TTC4: variants seen among roughly 807,000 people sequenced by gnomAD.
TTC4 encodes the protein tetratricopeptide repeat domain 4.
TTC4 carries 36 observed loss-of-function variants against 51.9 expected under a neutral mutation model. The ratio of observed to expected loss-of-function variants is 0.69; its 90% CI spans 0.53 to 0.92. The LOEUF is 0.92. Among genes scored for constraint, TTC4 ranks in the 40% least tolerant of loss-of-function variants. TTC4 has a pLI of 0.00. For missense variants in TTC4, 399 were observed against 454.6 expected (o/e 0.88, Z 1.11); for synonymous variants, 144 against 164.2 (o/e 0.88, Z 0.94).
At chr1:54,730,907 T>C (rs1430781203) in intron 6 of TTC4, among the ~76,000 whole-genome samples, 2 of 152,186 alleles carry the variant, frequency 1.3e-5, no homozygotes, top group African/African-American at 4.8e-5. Context: ...TTCAAAGTCA[T>C]TGTTCAAGGC....
Position 54,731,487 on chromosome 1 carries a change from C to T in TTC4, c.683C>T (p.Ala228Val), listed in dbSNP as rs568822325. The change falls in exon 7 of 10, where the codon GCT becomes GTT. Residue 228 changes from alanine (A) to valine (V), a missense_variant and splice_region_variant. Transcript: ENST00000371281. ...QNEALLQAIK[A>V]RNIRLSEAAC... The stretch of plus-strand genomic sequence containing the variant: ...TGTGTGTTTCTGTCTTTAACCCAGG[C>T]TAGGAATATCAGGCTCTCAGAAGCT... 38 of 1,613,828 alleles carry T rather than the reference C, an allele frequency of 2.4e-5. 1 individual carries two copies. In the South Asian group the frequency reaches 3.8e-4, roughly 16 times the overall value.
At chr1:54,727,007 T>C (rs1160151855) in intron 5 of TTC4, among the ~76,000 whole-genome samples, 2 of 150,034 alleles carry the variant, frequency 1.3e-5, no homozygotes, top group Non-Finnish European at 3.0e-5. Flanking sequence ...GATCATAATA[T>C]TCACATAGAA....
intron 8 of TTC4, among the ~76,000 whole-genome samples, chr1:54,734,218 C>T (rs550919615): frequency 7.2e-5 from 11 of 151,990 alleles, no homozygotes; most frequent in South Asian, 6.2e-4. Flanking sequence ...ATTATAGACG[C>T]GTGCCACCAC....
At chr1:54,717,876 C>A in intron 3 of TTC4, 1 of 383,424 alleles carries the variant, frequency 2.6e-6, no homozygotes, top group South Asian at 1.0e-4. Flanking sequence ...GTGACTTGGT[C>A]ACTCAAGTAA....
chr1:54,736,218 GA>G (rs1645935833), intron 8 of TTC4, among the ~76,000 whole-genome samples: 1 of 133,766 alleles, frequency 7.5e-6, no homozygotes, highest in Non-Finnish European at 1.6e-5. Context: ...GAGAGAGAGA[GA>G]GAGAAGAGGA....
intron 4 of TTC4, 126 bp downstream of exon 4, chr1:54,721,366 C>A: frequency 2.6e-6 from 2 of 758,236 alleles, no homozygotes; most frequent in Non-Finnish European, 2.0e-6. Context: ...CAGCAACATG[C>A]CACTTTTAAA....
chr1:54,725,189 C>T (rs965878888), intron 5 of TTC4, among the ~76,000 whole-genome samples: 1 of 152,228 alleles, frequency 6.6e-6, no homozygotes, highest in Admixed American at 6.5e-5. Flanking sequence ...TTTATATGAC[C>T]TGACTTGGAG....
At chr1:54,726,485 A>T (rs1194343091) in intron 5 of TTC4, among the ~76,000 whole-genome samples, 3 of 152,246 alleles carry the variant, frequency 2.0e-5, no homozygotes, top group Admixed American at 2.0e-4. Context: ...AAGTTCAGCA[A>T]GCTTGTTGGA....
At chr1:54,732,629 T>G (rs1645881410) in intron 7 of TTC4, among the ~76,000 whole-genome samples, 1 of 151,828 alleles carries the variant, frequency 6.6e-6, no homozygotes, top group Non-Finnish European at 1.5e-5. Flanking sequence ...TGGGTAATTT[T>G]TTAATTCTTT....
intron 9 of TTC4, 83 bp from the exon 10 acceptor site, chr1:54,741,328 A>C: frequency 8.7e-7 from 1 of 1,148,706 alleles, no homozygotes; most frequent in Non-Finnish European, 1.3e-6. Flanking sequence ...CCAGAGGCTC[A>C]CCTTGCATGT....
intron 5 of TTC4, among the ~76,000 whole-genome samples, chr1:54,727,070 A>C (rs1184895348): frequency 6.6e-6 from 1 of 151,368 alleles, no homozygotes; most frequent in African/African-American, 2.5e-5. Flanking sequence ...AAAAAAAAAA[A>C]ACAAAATTGG....
At chr1:54,727,096 C>A (rs1645809516) in intron 5 of TTC4, among the ~76,000 whole-genome samples, 1 of 151,188 alleles carries the variant, frequency 6.6e-6, no homozygotes, top group Admixed American at 6.6e-5. Context: ...TCACACTTCC[C>A]AATTTCAAAA....
Position 54,722,771 on chromosome 1 carries a change from A to C in TTC4, c.566A>C (p.Glu189Ala). 6.2e-7 allele frequency: 1 copy of C among 1,614,028 alleles called. No individual in the cohort carries two copies. The change falls in exon 5 of 10, where the codon GAA (glutamate) becomes GCA (alanine). Residue 189 changes from glutamate (E) to alanine (A), a missense_variant. By Grantham distance (107) the Glu-to-Ala change is moderately radical. This residue lies in a region of TTC4 where 316 missense variants were observed against 349.6 expected (regional missense o/e 0.90). Transcript: ENST00000371281. The part of the protein sequence containing the change: ...QIDAKEKKLL[E>A]MRAKADKLKR... The stretch of plus-strand genomic sequence containing the variant: ...GATGCCAAAGAGAAGAAGCTTCTGG[A>C]AATGAGGGCTAAAGCAGACAAGCTG...
chr1:54,737,419 A>G (rs1645958754), intron 8 of TTC4, 163 bp from the exon 9 acceptor site: 1 of 585,718 alleles, frequency 1.7e-6, no homozygotes. Context: ...TTACAGTGGC[A>G]TGGCGGGGGG....
In TTC4 at chr1:54,716,700, A is replaced by G; in HGVS notation, c.212A>G (p.Glu71Gly). ...TGTCTCCAGTCAATTATTTTTGATG[A>G]GGAGCGTTCTCCAGAAGGTATCTTA... ...LACLQSIIFDEERSPEEQAKT... is the reference protein window; with the variant it reads ...LACLQSIIFDGERSPEEQAKT... Residue 71 changes from glutamate to glycine, a missense_variant, in exon 2 of 10, where the codon GAG becomes GGG. Glu to Gly is a moderately conservative substitution (Grantham distance 98, BLOSUM62 -2). This residue lies in a region of TTC4 where 316 missense variants were observed against 349.6 expected (regional missense o/e 0.90). Coordinates refer to ENST00000371281, the MANE Select transcript of TTC4 (RefSeq NM_004623.5). 8.7e-6 allele frequency: 14 copies of G among 1,611,912 alleles called. No homozygotes were observed. The highest frequency in any genetic ancestry group is 1.2e-5 in the Non-Finnish European group (14 of 1,179,514).
At chr1:54,741,157 T>A (rs10449738) in intron 9 of TTC4, among the ~76,000 whole-genome samples, 10,123 of 152,186 alleles carry the variant, frequency 0.067, 434 homozygotes, top group African/African-American at 0.12. Context: ...AAACCATGCT[T>A]TATATTTTTA....
chr1:54,722,375 G>A (rs772869834), intron 4 of TTC4, among the ~76,000 whole-genome samples: 1 of 152,130 alleles, frequency 6.6e-6, no homozygotes, highest in Middle Eastern at 3.2e-3. Context: ...AAATGACACA[G>A]CCAGATTTCT....
At chr1:54,741,004 G>A (rs954542122) in intron 9 of TTC4, among the ~76,000 whole-genome samples, 8 of 152,140 alleles carry the variant, frequency 5.3e-5, no homozygotes, top group African/African-American at 1.7e-4. Context: ...GTTGTGCCTT[G>A]CTGTCATTAA....
chr1:54,728,560 C>T (rs1645827970), intron 6 of TTC4, 128 bp downstream of exon 6: 7 of 954,478 alleles, frequency 7.3e-6, no homozygotes, highest in Non-Finnish European at 1.1e-5. Flanking sequence ...TTTGGTAAAG[C>T]AGTGTGACAG....
Sources: allele counts gnomAD v4.1 joint callset (sites outside exome capture counted in the v4.1 genomes callset), GRCh38; gene constraint gnomAD v4.1.1; regional missense constraint gnomAD v4.1.1; transcripts MANE v1.5; gene names NCBI Gene and HGNC (gene_info 2026-07-23, HGNC 2026-07-21).